The following ZNF200 variants were observed in gnomAD, a reference collection of about 807,000 sequenced individuals.
The protein encoded by ZNF200 is zinc finger protein 200.
A neutral mutation model predicts 33.6 loss-of-function variants in ZNF200; 35 were observed. That is an observed-to-expected ratio of 1.04 (90% CI 0.80 to 1.38). The LOEUF (loss-of-function observed/expected upper bound fraction) is 1.38, where lower values mean the gene tolerates loss of function less well. ZNF200 is among the 40% of genes most tolerant of loss of function. The probability of loss-of-function intolerance (pLI) is 0.00; values close to 1 mark genes in which losing one functional copy is unlikely to be tolerated. For missense variants in ZNF200, 592 were observed against 470.6 expected, an observed-to-expected ratio of 1.26 and a Z score of -2.39; for synonymous variants, 209 against 167.7, an observed-to-expected ratio of 1.25 and a Z score of -1.90.
chr16:3,233,176 G>A (rs1958690464), intron 2 of ZNF200, among the ~76,000 whole-genome samples: 1 of 152,118 alleles, frequency 6.6e-6, no homozygotes, highest in Non-Finnish European at 1.5e-5. Flanking sequence ...GAGAGCTTAG[G>A]GCAACGTAAA....
rs554838277 is a variant in ZNF200, at chr16:3,229,908, ACT to A, written c.466+2511_466+2512del. On this transcript the variant is annotated intron_variant, in intron 4 of 4. Transcript: ENST00000414144. ...ACTTCCAAATTCAAACAAGAGCGAA[ACT>A]CTGTCTCAAAAAAATAAATAAATAA... Among the ~76,000 whole-genome samples, 12 of 152,152 alleles carry A rather than the reference ACT, an allele frequency of 7.9e-5. No homozygotes were observed. The East Asian group carries it at 1.2e-3, about 15-fold the overall frequency.
chr16:3,223,907 G>T lies in ZNF200; in HGVS notation c.1173C>A (p.Thr391=). 6.2e-7 allele frequency: 1 copy of T among 1,611,500 alleles called. No homozygotes were observed. Among genetic ancestry groups the T allele is most frequent in the Non-Finnish European group, 8.5e-7 (1 of 1,178,658 alleles). ...GTTCCCAGTATTACTTCTGCTTTCG[G>T]GTCTTACAGGCTGAGTGGGTTTTCT... ...RHEKTHSACK[T]RKQK is the part of the protein sequence containing the mutation. The change falls in exon 5 of 5, where the codon ACC becomes ACA. Residue 391 remains threonine (T), a synonymous_variant. Coordinates refer to ENST00000414144, the MANE Select transcript of ZNF200 (RefSeq NM_198088.3).
intron 4 of ZNF200, among the ~76,000 whole-genome samples, 176 bp downstream of exon 4, chr16:3,232,245 C>T (rs145590907): frequency 1.7e-4 from 26 of 152,242 alleles, no homozygotes; most frequent in African/African-American, 6.0e-4. Flanking sequence ...GGCCACCCAC[C>T]CACAGCTGGA....
In ZNF200 at chr16:3,232,537, A is replaced by C. The variant is rs1405402456; in HGVS notation, c.350T>G (p.Val117Gly). 6.2e-7 allele frequency: 1 copy of C among 1,613,774 alleles called. No individual in the cohort carries two copies. The highest frequency in any genetic ancestry group is 8.5e-7 in the Non-Finnish European group (1 of 1,179,974). The change falls in exon 4 of 5, where the codon GTC (valine) becomes GGC (glycine). Residue 117 changes from valine to glycine, a missense_variant. Coordinates refer to ENST00000414144, the MANE Select transcript of ZNF200 (RefSeq NM_198088.3). ...YLKANPEELVVFEDLNVFHCQ... is the reference protein window; with the variant it reads ...YLKANPEELVGFEDLNVFHCQ... ...GTGAAATACATTCAAATCCTCAAAG[A>C]CCACCAGCTCCTGAAAGAGCAAGAG... is the stretch of plus-strand genomic sequence containing the variant.
At position 3,224,336 on chromosome 16, in the gene ZNF200, T is replaced by C. The variant is rs1958412289; in HGVS notation, c.744A>G (p.Thr248=). 6.2e-7 allele frequency: 1 copy of C among 1,614,214 alleles called. No homozygotes were observed. The highest frequency in any genetic ancestry group is 8.5e-7 in the Non-Finnish European group (1 of 1,180,016). ...ACAGTGGACAAGTGTACCATCTCCT[T>C]GTCCTCCGATTTCGAGTAAGGGCAA... ...SIIALTRNRR[T]RRWYTCPLCG... is the part of the protein sequence containing the mutation. Residue 248 remains threonine (T), a synonymous_variant, in exon 5 of 5, where the codon ACA becomes ACG. Coordinates refer to ENST00000414144, the MANE Select transcript of ZNF200 (RefSeq NM_198088.3).
At position 3,223,615 on chromosome 16, in the gene ZNF200, A is replaced by AACAC. The variant is rs1958386785; in HGVS notation, c.*276_*277insGTGT. 1 of 310,634 alleles carries AACAC rather than the reference A, an allele frequency of 3.2e-6. No individual in the cohort carries two copies. Among genetic ancestry groups the AACAC allele is most frequent in the African/African-American group, 2.2e-5 (1 of 46,122 alleles). 19.2% of individuals were successfully genotyped at this position (310,634 alleles called of 1,614,324 possible). ...CAGATTCATCTTCAAAGTGTTGGGA[A>AACAC]AGGGGATCTGTGACCTGTACATTAT... is the stretch of plus-strand genomic sequence containing the variant. On this transcript the variant is annotated 3_prime_UTR_variant, in exon 5 of 5. Transcript: ENST00000414144.
chr16:3,228,907 G>C (rs905217801), intron 4 of ZNF200, among the ~76,000 whole-genome samples: 1 of 151,856 alleles, frequency 6.6e-6, no homozygotes, highest in African/African-American at 2.4e-5. Flanking sequence ...ATTTTTTCTA[G>C]AAAACATTAT....
Position 3,232,789 on chromosome 16 carries a change from G to C in ZNF200, c.339+44C>G, listed in dbSNP as rs373735180. On this transcript the variant is annotated intron_variant, in intron 3 of 4. Transcript: ENST00000414144. ...TTTTACACACAGGTTGGCCAAGCACGGAAGGTGATGGATTCAGGCAGTAAA... is the reference window on the plus strand; with the variant it reads ...TTTTACACACAGGTTGGCCAAGCACCGAAGGTGATGGATTCAGGCAGTAAA... The C allele has an allele frequency of 3.1e-6, 5 of 1,595,012 alleles. No individual in the cohort carries two copies. In the African/African-American group the frequency reaches 6.7e-5, roughly 21 times the overall value.
intron 4 of ZNF200, chr16:3,225,928 CAG>C (rs1958457309): frequency 6.8e-6 from 1 of 147,268 alleles, no homozygotes; most frequent in African/African-American, 2.5e-5. Flanking sequence ...TTTTTTTTGG[CAG>C]AGATAGGGTC....
intron 2 of ZNF200, 111 bp downstream of exon 2, chr16:3,233,395 C>T (rs1169279796): frequency 4.3e-6 from 6 of 1,403,390 alleles, no homozygotes; most frequent in South Asian, 1.6e-5. Context: ...AGAATTGACT[C>T]CTTTTCCAAT....
chr16:3,227,462 T>A, intron 4 of ZNF200: 1 of 152,252 alleles, frequency 6.6e-6, no homozygotes, highest in East Asian at 1.9e-4. Flanking sequence ...CTGTCAGTCG[T>A]CCTAACACCT....
At chr16:3,233,391 G>A in intron 2 of ZNF200, 115 bp downstream of exon 2, 1 of 1,376,694 alleles carries the variant, frequency 7.3e-7, no homozygotes, top group Admixed American at 2.6e-5. Context: ...CACTAGAATT[G>A]ACTCCTTTTC....
rs538653050 is a variant in ZNF200 at position 3,223,748 on chromosome 16, A to G, written c.*144T>C. The G allele has an allele frequency of 4.4e-5, 56 of 1,264,584 alleles. No individual in the cohort carries two copies. The South Asian group carries it at 8.2e-4, about 18-fold the overall frequency. 78.3% of individuals were successfully genotyped at this position (1,264,584 alleles called of 1,614,324 possible). A position where few individuals can be genotyped will look rare whatever the true frequency, so the allele number is the denominator to read the frequency against. On this transcript the variant is annotated 3_prime_UTR_variant, in exon 5 of 5. Coordinates refer to ENST00000414144, the MANE Select transcript of ZNF200 (RefSeq NM_198088.3). ...GAATTTTCTAGCAATTTGAGGTTTT[A>G]GCTAAGATGGGCATTTATCCAATTT...
At position 3,233,567 on chromosome 16, in the gene ZNF200, A is replaced by C. The variant is rs541139126; in HGVS notation, c.189T>G (p.Ser63Arg). The C allele has an allele frequency of 6.4e-5, 102 of 1,604,360 alleles. No individual in the cohort carries two copies. The South Asian group carries it at 1.0e-3, about 16-fold the overall frequency. The change falls in exon 2 of 5, where the codon AGT (serine) becomes AGG (arginine). Residue 63 changes from serine to arginine, a missense_variant. By Grantham distance (110) the Ser-to-Arg change is moderately radical. Transcript: ENST00000414144. ...TAACCAAGGTCTCCTTGACTTTCTG[A>C]CTGGGCTGGACCAGGCTTGGCTTGG... The part of the protein sequence containing the change: ...FLPKPSLVQP[S>R]QKVKETLVIM...
At chr16:3,224,929 C>T (rs759384552) in intron 4 of ZNF200, 1 of 272,350 alleles carries the variant, frequency 3.7e-6, no homozygotes, top group Admixed American at 4.8e-5. Flanking sequence ...GTAGAGCACT[C>T]AGGTAAGGAC....
At chr16:3,228,690 T>A (rs1455008756) in intron 4 of ZNF200, among the ~76,000 whole-genome samples, 1 of 151,776 alleles carries the variant, frequency 6.6e-6, no homozygotes, top group East Asian at 1.9e-4. Context: ...TTAGTAGAGA[T>A]GGGGTTTTGC....
chr16:3,228,879 A>T (rs8047452), intron 4 of ZNF200, among the ~76,000 whole-genome samples: 1 of 152,186 alleles, frequency 6.6e-6, no homozygotes, highest in Non-Finnish European at 1.5e-5. Flanking sequence ...AAGGGGTAAA[A>T]ACAAATTAAA....
At chr16:3,232,647 C>T in intron 3 of ZNF200, 100 bp from the exon 4 acceptor site, 1 of 1,532,930 alleles carries the variant, frequency 6.5e-7, no homozygotes, top group Non-Finnish European at 8.8e-7. Context: ...GAAGGGATAG[C>T]AAGAGGGACC....
intron 4 of ZNF200, among the ~76,000 whole-genome samples, chr16:3,229,989 T>C (rs1039691690): frequency 6.6e-6 from 1 of 152,078 alleles, no homozygotes; most frequent in Non-Finnish European, 1.5e-5. Context: ...TAGTCGGAGG[T>C]GTCTGCATCA....
Sources: allele counts gnomAD v4.1 joint callset (sites outside exome capture counted in the v4.1 genomes callset), GRCh38; gene constraint gnomAD v4.1.1; transcripts MANE v1.5; gene names NCBI Gene and HGNC (gene_info 2026-07-23, HGNC 2026-07-21).